The following OPCML variants were observed in gnomAD, a reference collection of about 807,000 sequenced individuals.
OPCML encodes opioid-binding protein/cell adhesion molecule.
In OPCML, 13 loss-of-function variants were observed where a neutral mutation model predicts 37.8. The observed-to-expected ratio is 0.34, with a 90% CI of 0.22 to 0.55. OPCML has a LOEUF of 0.55. OPCML is among the 20% of genes least tolerant of loss of function. OPCML has a pLI of 0.91. For missense variants in OPCML, 341 were observed against 435.6 expected (o/e 0.78, Z 1.93); for synonymous variants, 176 against 168.8 (o/e 1.04, Z -0.33).
chr11:132,846,931 G>A (rs529396888), intron 2 of OPCML, among the ~76,000 whole-genome samples: 2 of 152,078 alleles, frequency 1.3e-5, no homozygotes, highest in East Asian at 1.9e-4. Context: ...GTAATATAAG[G>A]TCCCCCCAGT....
chr11:133,093,765 A>C (rs1948951945), intron 1 of OPCML, among the ~76,000 whole-genome samples: 1 of 139,546 alleles, frequency 7.2e-6, no homozygotes, highest in Non-Finnish European at 1.6e-5. Flanking sequence ...TAAGGTTAGC[A>C]ATCTGTACTT....
chr11:132,899,844 TAC>T (rs1454039127), intron 2 of OPCML, among the ~76,000 whole-genome samples: 1 of 152,048 alleles, frequency 6.6e-6, no homozygotes, highest in Non-Finnish European at 1.5e-5. Context: ...GGAGCTCGGA[TAC>T]ACTCTTCTCC....
intron 1 of OPCML, among the ~76,000 whole-genome samples, chr11:133,489,832 A>G (rs1947614186): frequency 7.0e-6 from 1 of 142,180 alleles, no homozygotes; most frequent in African/African-American, 2.7e-5. Context: ...GTGTGTGTAT[A>G]TACATATATA....
At chr11:132,800,814 TAA>T (rs1460108252) in intron 2 of OPCML, among the ~76,000 whole-genome samples, 1 of 152,192 alleles carries the variant, frequency 6.6e-6, no homozygotes, top group African/African-American at 2.4e-5. Flanking sequence ...GTTGCATTTT[TAA>T]AAGTTTCTGA....
intron 1 of OPCML, among the ~76,000 whole-genome samples, chr11:133,178,954 ACT>A (rs1937691046): frequency 6.6e-6 from 1 of 152,134 alleles, no homozygotes; most frequent in East Asian, 1.9e-4. Flanking sequence ...AAGGGGAAAG[ACT>A]CTGAACTCTG....
intron 1 of OPCML, among the ~76,000 whole-genome samples, chr11:133,453,567 CT>C (rs1946619215): frequency 6.6e-6 from 1 of 152,178 alleles, no homozygotes; most frequent in Admixed American, 6.5e-5. Flanking sequence ...TAAAATTTCA[CT>C]GTTTTTAATT....
chr11:132,811,225 G>C (rs1939321053), intron 2 of OPCML, among the ~76,000 whole-genome samples: 1 of 152,090 alleles, frequency 6.6e-6, no homozygotes, highest in Admixed American at 6.6e-5. Flanking sequence ...TGGGAAACAG[G>C]GAATGTGGTC....
intron 2 of OPCML, among the ~76,000 whole-genome samples, chr11:132,777,188 T>G (rs557207282): frequency 6.6e-6 from 1 of 152,264 alleles, no homozygotes; most frequent in South Asian, 2.1e-4. Flanking sequence ...GCAACCATGA[T>G]TATTTGTGTT....
rs749843688 is a variant in OPCML at position 132,943,069 on chromosome 11, G to A, written c.62-59C>T. ...CGACCACGAGGCACTTCCAGGGCAG[G>A]AACAGGTACCCACAGACCCCCATTC... is the stretch of plus-strand genomic sequence containing the variant. On this transcript the variant is annotated intron_variant, in intron 1 of 7. Coordinates refer to ENST00000524381, the MANE Select transcript of OPCML (RefSeq NM_001012393.5). The surrounding 1 kb of genome is among the most constrained non-coding windows in gnomAD (Gnocchi z 4.3). 1 of 1,614,112 alleles carries A rather than the reference G, an allele frequency of 6.2e-7. No homozygotes were observed. Among genetic ancestry groups the A allele is most frequent in the South Asian group, 1.1e-5 (1 of 91,076 alleles).
In OPCML at chr11:132,753,211, G is replaced by T. The variant is rs574909295; in HGVS notation, c.147-95892C>A. On this transcript the variant is annotated intron_variant, in intron 2 of 7. Coordinates refer to ENST00000524381, the MANE Select transcript of OPCML (RefSeq NM_001012393.5). ...TTCCTGGCTCCCAGTCTATCTTAGA[G>T]ACCCTACTGATACATTCTCCCAGCA... 3.3e-4 allele frequency among the ~76,000 whole-genome samples: 50 copies of T among 152,154 alleles called. No individual in the cohort carries two copies. The South Asian group carries it at 7.3e-3, about 22-fold the overall frequency.
At chr11:132,440,111 A>C (rs1037634193) in intron 4 of OPCML, among the ~76,000 whole-genome samples, 1 of 152,182 alleles carries the variant, frequency 6.6e-6, no homozygotes, top group Non-Finnish European at 1.5e-5. Flanking sequence ...TTACCAGATG[A>C]CATGGCAACT....
At chr11:132,854,871 A>G (rs1036041451) in intron 2 of OPCML, among the ~76,000 whole-genome samples, 2 of 152,214 alleles carry the variant, frequency 1.3e-5, no homozygotes, top group Non-Finnish European at 2.9e-5. Flanking sequence ...CTAGCATAAC[A>G]GACTCCATCT....
chr11:132,670,758 G>T (rs1161190846), intron 2 of OPCML, among the ~76,000 whole-genome samples: 1 of 152,078 alleles, frequency 6.6e-6, no homozygotes, highest in Admixed American at 6.5e-5. Context: ...TGTTGCCACA[G>T]TTCTGGAGCA....
chr11:132,774,134 T>C (rs1946735926), intron 2 of OPCML, among the ~76,000 whole-genome samples: 2 of 152,194 alleles, frequency 1.3e-5, no homozygotes, highest in South Asian at 4.1e-4. Context: ...GAACAGACTG[T>C]ACTCTATGTG....
chr11:133,201,729 G>A (rs1184551317), intron 1 of OPCML, among the ~76,000 whole-genome samples: 1 of 152,154 alleles, frequency 6.6e-6, no homozygotes, highest in African/African-American at 2.4e-5. Context: ...GTAACTTGGA[G>A]GACTTTGTTC....
chr11:132,739,494 G>A (rs897909550), intron 2 of OPCML, among the ~76,000 whole-genome samples: 1 of 152,206 alleles, frequency 6.6e-6, no homozygotes, highest in Admixed American at 6.5e-5. Context: ...ACTACCCACA[G>A]GCACCAATCA....
At chr11:132,466,601 T>C (rs1039226176) in intron 4 of OPCML, among the ~76,000 whole-genome samples, 2 of 152,160 alleles carry the variant, frequency 1.3e-5, no homozygotes, top group Admixed American at 1.3e-4. Flanking sequence ...ATCAGCAAGA[T>C]AGAAACAGCT....
intron 1 of OPCML, among the ~76,000 whole-genome samples, chr11:133,241,303 A>G (rs1940722636): frequency 3.3e-5 from 5 of 152,260 alleles, no homozygotes; most frequent in Admixed American, 3.3e-4. Context: ...TGCATGGAAG[A>G]AAATAAGCTC....
At chr11:132,703,919 T>A (rs925673720) in intron 2 of OPCML, among the ~76,000 whole-genome samples, 2 of 152,198 alleles carry the variant, frequency 1.3e-5, no homozygotes, top group African/African-American at 4.8e-5. Context: ...GTTCTGATTC[T>A]ATGAAGGTGA....
Sources: gnomAD v4.1 joint callset for allele counts (sites outside exome capture counted in the v4.1 genomes callset) on GRCh38, gnomAD v4.1.1 for gene constraint, Gnocchi (gnomAD v3.1) non-coding constraint, MANE v1.5 for transcripts, NCBI Gene and HGNC (gene_info 2026-07-23, HGNC 2026-07-21) for gene names.